Variants in COL25A1 observed in about 807,000 individuals in gnomAD.
The protein encoded by COL25A1 is collagen alpha-1(XXV) chain.
In COL25A1, 103 loss-of-function variants were observed where a neutral mutation model predicts 128.4. The ratio of observed to expected loss-of-function variants is 0.80; its 90% CI spans 0.68 to 0.94. The LOEUF is 0.94. COL25A1 is among the 40% of genes least tolerant of loss of function. The probability of loss-of-function intolerance (pLI) is 0.00; values close to 1 mark genes in which losing one functional copy is unlikely to be tolerated. For missense variants in COL25A1, 745 were observed against 840.0 expected (o/e 0.89, Z 1.40); for synonymous variants, 279 against 277.2 (o/e 1.01, Z -0.06).
chr4:109,004,568 A>C (rs1370592092), intron 6 of COL25A1, among the ~76,000 whole-genome samples: 2 of 152,070 alleles, frequency 1.3e-5, no homozygotes, highest in Non-Finnish European at 2.9e-5. Flanking sequence ...AGGTGACTGG[A>C]TCATGGGGGT....
intron 3 of COL25A1, among the ~76,000 whole-genome samples, chr4:109,197,220 G>A (rs541684038): frequency 1.3e-5 from 2 of 149,364 alleles, no homozygotes; most frequent in African/African-American, 4.9e-5. Context: ...CAGCTACTCA[G>A]AAGGCTGAGG....
intron 6 of COL25A1, among the ~76,000 whole-genome samples, chr4:108,975,013 A>G (rs1168745880): frequency 1.3e-5 from 2 of 152,202 alleles, no homozygotes; most frequent in East Asian, 1.9e-4. Context: ...CTTAATTAGT[A>G]TGAAATTCAT....
chr4:109,174,483 C>T (rs1773890002), intron 3 of COL25A1, among the ~76,000 whole-genome samples: 1 of 152,210 alleles, frequency 6.6e-6, no homozygotes, highest in African/African-American at 2.4e-5. Flanking sequence ...CCCACAGGAA[C>T]CAGGGAGTAC....
intron 3 of COL25A1, among the ~76,000 whole-genome samples, chr4:109,105,380 A>G (rs1446121248): frequency 6.6e-5 from 10 of 152,146 alleles, no homozygotes; most frequent in African/African-American, 2.2e-4. Flanking sequence ...AGGCTGAGGC[A>G]GGAGAATCAC....
At chr4:108,931,311 T>A (rs1396774032) in intron 11 of COL25A1, among the ~76,000 whole-genome samples, 1 of 152,172 alleles carries the variant, frequency 6.6e-6, no homozygotes, top group Non-Finnish European at 1.5e-5. Flanking sequence ...TCTTTACAGA[T>A]GAGGAATCTA....
At chr4:108,869,051 AAAAG>A (rs751139077) in intron 20 of COL25A1, 33 bp downstream of exon 20, 65 of 1,353,748 alleles carry the variant, frequency 4.8e-5, no homozygotes, top group South Asian at 1.4e-4. Flanking sequence ...GAAAGAAAGA[AAAAG>A]AAAGAAAGAA....
chr4:108,888,811 T>G (rs753126274), intron 18 of COL25A1, among the ~76,000 whole-genome samples: 1 of 152,142 alleles, frequency 6.6e-6, no homozygotes, highest in African/African-American at 2.4e-5. Context: ...TCCATCACTA[T>G]TGAGACAGTT....
At chr4:108,945,410 T>C (rs1301733306) in intron 8 of COL25A1, among the ~76,000 whole-genome samples, 1 of 152,212 alleles carries the variant, frequency 6.6e-6, no homozygotes, top group African/African-American at 2.4e-5. Context: ...TGGCTTTGTG[T>C]GGCCATACCT....
intron 3 of COL25A1, among the ~76,000 whole-genome samples, chr4:109,117,453 AC>A (rs568647356): frequency 4.6e-5 from 7 of 152,014 alleles, no homozygotes; most frequent in Non-Finnish European, 1.0e-4. Context: ...ACTTTCTCAA[AC>A]AAAAATTGAG....
At position 108,955,054 on chromosome 4, in the gene COL25A1, C is replaced by T. The variant is rs201635140; in HGVS notation, c.493-13617G>A. ...CCGAGATAAGTGACCAGTTCTACCA[C>T]CTCATTAACTACAAGTTTTATGACT... On this transcript the variant is annotated intron_variant, in intron 8 of 37. Coordinates refer to ENST00000399132, the MANE Select transcript of COL25A1 (RefSeq NM_198721.4). Among the ~76,000 whole-genome samples, 544 of 151,952 alleles carry T rather than the reference C, an allele frequency of 3.6e-3. 2 individuals carry two copies. The highest frequency in any genetic ancestry group is 5.3e-3 in the Non-Finnish European group (363 of 67,918).
chr4:109,083,710 C>T (rs920754817), intron 3 of COL25A1, among the ~76,000 whole-genome samples: 3 of 151,980 alleles, frequency 2.0e-5, no homozygotes, highest in South Asian at 2.1e-4. Flanking sequence ...GTAATCCGCC[C>T]GCCTCAGCAT....
chr4:109,161,886 A>G (rs1042684438), intron 3 of COL25A1, among the ~76,000 whole-genome samples: 3 of 152,172 alleles, frequency 2.0e-5, no homozygotes, highest in African/African-American at 7.2e-5. Flanking sequence ...TGTGTTAACT[A>G]GAGTAAGGTA....
At chr4:109,035,867 C>G (rs1759300089) in intron 5 of COL25A1, among the ~76,000 whole-genome samples, 1 of 151,822 alleles carries the variant, frequency 6.6e-6, no homozygotes, top group African/African-American at 2.4e-5. Context: ...ACTCTCTTCT[C>G]CTAAACTCTA....
At chr4:108,997,146 T>C (rs1362555224) in intron 6 of COL25A1, among the ~76,000 whole-genome samples, 3 of 152,008 alleles carry the variant, frequency 2.0e-5, no homozygotes, top group Admixed American at 6.6e-5. Context: ...CTGAAGGAGA[T>C]AGAGACACAA....
intron 8 of COL25A1, among the ~76,000 whole-genome samples, chr4:108,956,497 C>CCA (rs1252240742): frequency 6.6e-6 from 1 of 152,200 alleles, no homozygotes; most frequent in Non-Finnish European, 1.5e-5. Context: ...ACTCCACCTC[C>CCA]CAGGTTCAAG....
chr4:109,158,959 C>T (rs1278311887), intron 3 of COL25A1, among the ~76,000 whole-genome samples: 1 of 152,008 alleles, frequency 6.6e-6, no homozygotes, highest in Admixed American at 6.6e-5. Context: ...CTGCCAATGA[C>T]ATTCTCATGA....
chr4:108,905,574 T>A (rs1318448970), intron 13 of COL25A1, among the ~76,000 whole-genome samples: 3 of 151,506 alleles, frequency 2.0e-5, no homozygotes, highest in East Asian at 1.9e-4. Flanking sequence ...TCTTTTTACC[T>A]TTTTTCAATG....
At chr4:109,239,858 G>T (rs1319556207) in intron 3 of COL25A1, among the ~76,000 whole-genome samples, 7 of 151,852 alleles carry the variant, frequency 4.6e-5, no homozygotes, top group Admixed American at 1.3e-4. Context: ...ACACTTCATA[G>T]ACTTCCAATT....
chr4:108,854,060 A>G (rs917656293), intron 24 of COL25A1: 1 of 152,056 alleles, frequency 6.6e-6, no homozygotes, highest in African/African-American at 2.4e-5. Context: ...CAGAAATAAC[A>G]CCACACACCT....
Sources: allele counts gnomAD v4.1 joint callset (sites outside exome capture counted in the v4.1 genomes callset), GRCh38; gene constraint gnomAD v4.1.1; transcripts MANE v1.5; gene names NCBI Gene and HGNC (gene_info 2026-07-23, HGNC 2026-07-21).